Variants in CNBD1 observed in about 807,000 individuals in gnomAD.
The protein encoded by CNBD1 is cyclic nucleotide-binding domain-containing protein 1.
Under a neutral mutation model 54.4 loss-of-function variants are expected in CNBD1, and 71 were observed. The observed-to-expected ratio is 1.30, with a 90% CI of 1.08 to 1.59. The LOEUF is 1.59. Among genes scored for constraint, CNBD1 ranks in the 40% most tolerant of loss-of-function variants. The probability of loss-of-function intolerance (pLI) is 0.00; values close to 1 mark genes in which losing one functional copy is unlikely to be tolerated. For synonymous variants in CNBD1, 182 were observed against 170.7 expected, an observed-to-expected ratio of 1.07 and a Z score of -0.51; for missense variants, 659 against 518.0, an observed-to-expected ratio of 1.27 and a Z score of -2.64.
chr8:86,918,441 C>T (rs1809221399), intron 3 of CNBD1, among the ~76,000 whole-genome samples: 1 of 152,070 alleles, frequency 6.6e-6, no homozygotes, highest in Non-Finnish European at 1.5e-5. Context: ...TTGGTTCTGT[C>T]CCCACCCAAG....
intron 10 of CNBD1, 81 bp from the exon 11 acceptor site, chr8:87,382,539 G>T (rs1030182346): frequency 1.9e-6 from 2 of 1,079,778 alleles, no homozygotes; most frequent in South Asian, 1.5e-5. Flanking sequence ...TGTAATTTTA[G>T]GGTTCTATTC....
At chr8:87,016,627 A>T (rs186723137) in intron 4 of CNBD1, among the ~76,000 whole-genome samples, 1 of 152,302 alleles carries the variant, frequency 6.6e-6, no homozygotes, top group African/African-American at 2.4e-5. Flanking sequence ...TTTAAAAAAA[A>T]CTTTAGTGGA....
rs533957858 is a variant in CNBD1, at chr8:87,146,208, G to C, written c.432-59785G>C. On this transcript the variant is annotated intron_variant, in intron 4 of 10. Transcript: ENST00000518476. ...TTCTTTCTTCCAAGTGAGATAAAATGTCTTGCTAGTGCTTACTCTCCTAAA... is the reference window on the plus strand; with the variant it reads ...TTCTTTCTTCCAAGTGAGATAAAATCTCTTGCTAGTGCTTACTCTCCTAAA... Among the ~76,000 whole-genome samples the C allele has an allele frequency of 9.9e-5, 15 of 152,126 alleles. No individual in the cohort carries two copies. The South Asian group carries it at 2.9e-3, about 29-fold the overall frequency.
At chr8:87,017,002 T>G (rs904150588) in intron 4 of CNBD1, among the ~76,000 whole-genome samples, 2 of 152,118 alleles carry the variant, frequency 1.3e-5, no homozygotes, top group African/African-American at 4.8e-5. Context: ...AGGGGCCCCT[T>G]TTACATGGGT....
At position 87,284,814 on chromosome 8, in the gene CNBD1, A is replaced by G; in HGVS notation, c.908A>G (p.Glu303Gly). 2.6e-6 allele frequency: 4 copies of G among 1,566,530 alleles called. No homozygotes were observed. Among genetic ancestry groups the G allele is most frequent in the Non-Finnish European group, 3.5e-6 (4 of 1,156,302 alleles). The change falls in exon 7 of 11, where the codon GAG (glutamate) becomes GGG (glycine). Residue 303 changes from glutamate (E) to glycine (G), a missense_variant and splice_region_variant. By Grantham distance (98) the Glu-to-Gly change is moderately conservative. Coordinates refer to ENST00000518476, the MANE Select transcript of CNBD1 (RefSeq NM_173538.3). ...IPAKGYAKIK[E>G]EKIKLENMQK... ...GCAAAGGGATATGCAAAGATAAAGG[A>G]GGTAAGATGATATCTAATATTTTAT...
chr8:86,969,195 GT>G (rs1808163835), intron 4 of CNBD1, among the ~76,000 whole-genome samples: 1 of 151,552 alleles, frequency 6.6e-6, no homozygotes, highest in Admixed American at 6.6e-5. Flanking sequence ...TAAATGTTAT[GT>G]TTGCTTTATG....
intron 4 of CNBD1, among the ~76,000 whole-genome samples, chr8:86,955,973 G>T (rs868333849): frequency 1.8e-3 from 270 of 152,144 alleles, no homozygotes; most frequent in African/African-American, 5.6e-3. Flanking sequence ...GGTCTAACAT[G>T]TAAGTCTTTA....
chr8:87,269,265 G>T (rs1376605379), intron 6 of CNBD1, among the ~76,000 whole-genome samples: 1 of 152,002 alleles, frequency 6.6e-6, no homozygotes, highest in Non-Finnish European at 1.5e-5. Context: ...TTTCTATCCT[G>T]TTCCATTGGT....
rs377176475 is a variant in CNBD1, at chr8:87,094,666, T to A, written c.432-111327T>A. Among the ~76,000 whole-genome samples the A allele has an allele frequency of 1.1e-4, 16 of 152,334 alleles. No homozygotes were observed. The South Asian group carries it at 3.3e-3, about 32-fold the overall frequency. On this transcript the variant is annotated intron_variant, in intron 4 of 10. Transcript: ENST00000518476. ...CTGTAAACTTTGTGGACATAGAGGC[T>A]GAGGGAACCCAATAATTTAATCCAG... is the stretch of plus-strand genomic sequence containing the variant.
chr8:87,391,333 G>C (rs1811305776), intron 2 of CNBD1, among the ~76,000 whole-genome samples: 1 of 152,042 alleles, frequency 6.6e-6, no homozygotes, highest in Non-Finnish European at 1.5e-5. Flanking sequence ...CAAAACCCCA[G>C]CTTGATTATT....
At chr8:87,414,487 C>T (rs902825719) in intron 2 of CNBD1, among the ~76,000 whole-genome samples, 3 of 151,928 alleles carry the variant, frequency 2.0e-5, no homozygotes, top group Non-Finnish European at 4.4e-5. Context: ...CAAACCTGCA[C>T]ATTGTGCACA....
intron 4 of CNBD1, among the ~76,000 whole-genome samples, chr8:87,007,130 G>C (rs1038207565): frequency 6.6e-6 from 1 of 151,916 alleles, no homozygotes; most frequent in Admixed American, 6.6e-5. Context: ...CCAGGAGGCG[G>C]AGGTTGCAGT....
Position 87,369,155 on chromosome 8 carries a change from A to G in CNBD1, c.1304-13465A>G, listed in dbSNP as rs180703656. Reference sequence around the variant, plus strand: ...AAATTTTGGCTAGATTTTTGGCTAAATGATATTTAATAATGGCCTTCAATG... The same window carrying G: ...AAATTTTGGCTAGATTTTTGGCTAAGTGATATTTAATAATGGCCTTCAATG... On this transcript the variant is annotated intron_variant, in intron 10 of 10. Coordinates refer to ENST00000518476, the MANE Select transcript of CNBD1 (RefSeq NM_173538.3). Among the ~76,000 whole-genome samples, 129 of 152,134 alleles carry G rather than the reference A, an allele frequency of 8.5e-4. 1 individual carries two copies. Among genetic ancestry groups the G allele is most frequent in the Admixed American group, 1.6e-3 (24 of 15,242 alleles).
intron 5 of CNBD1, among the ~76,000 whole-genome samples, chr8:87,210,396 A>G (rs1814071615): frequency 1.3e-5 from 2 of 152,182 alleles, no homozygotes; most frequent in South Asian, 4.1e-4. Context: ...TTGTGTGACT[A>G]AAAAAGAGCT....
At chr8:87,092,959 A>G (rs1188012783) in intron 4 of CNBD1, among the ~76,000 whole-genome samples, 3 of 152,136 alleles carry the variant, frequency 2.0e-5, no homozygotes, top group Non-Finnish European at 4.4e-5. Flanking sequence ...GGGCGTTACC[A>G]CTATTTCTTC....
intron 1 of CNBD1, among the ~76,000 whole-genome samples, chr8:86,887,091 G>C (rs1162100490): frequency 1.3e-5 from 2 of 152,156 alleles, no homozygotes; most frequent in African/African-American, 4.8e-5. Flanking sequence ...AAAAGATGGG[G>C]ACCTGCGTAG....
intron 10 of CNBD1, among the ~76,000 whole-genome samples, chr8:87,356,066 T>G (rs1339281240): frequency 3.3e-5 from 5 of 151,560 alleles, no homozygotes; most frequent in Non-Finnish European, 7.4e-5. Context: ...TCCTGAGTCC[T>G]CACCAGAAGC....
rs552152972 is a variant in CNBD1 at position 86,957,305 on chromosome 8, C to A, written c.431+17551C>A. ...TAAAATTATGTTTTTTTTGTTGTGTCTCTGCCAGGCTTTGGTATCAGGATG... is the reference window on the plus strand; with the variant it reads ...TAAAATTATGTTTTTTTTGTTGTGTATCTGCCAGGCTTTGGTATCAGGATG... On this transcript the variant is annotated intron_variant, in intron 4 of 10. Transcript: ENST00000518476. Among the ~76,000 whole-genome samples the A allele has an allele frequency of 3.6e-4, 55 of 152,186 alleles. 1 individual carries two copies. In the South Asian group the frequency reaches 0.011, roughly 32 times the overall value.
chr8:87,406,933 A>G (rs1807662655), intron 2 of CNBD1, among the ~76,000 whole-genome samples: 2 of 152,232 alleles, frequency 1.3e-5, no homozygotes, highest in Non-Finnish European at 2.9e-5. Flanking sequence ...AGTATTTTGT[A>G]ATTTACTCTG....
Sources: allele counts gnomAD v4.1 joint callset (sites outside exome capture counted in the v4.1 genomes callset), GRCh38; gene constraint gnomAD v4.1.1; transcripts MANE v1.5; gene names NCBI Gene and HGNC (gene_info 2026-07-23, HGNC 2026-07-21).